Variants in ABCD4 observed in about 807,000 individuals in gnomAD.
The protein encoded by ABCD4 is ATP binding cassette subfamily D member 4, also known as lysosomal cobalamin transporter ABCD4.
ABCD4 carries 53 observed loss-of-function variants against 86.3 expected under a neutral mutation model. That is an observed-to-expected ratio of 0.61 (90% CI 0.49 to 0.77). The LOEUF is 0.77. Among genes scored for constraint, ABCD4 ranks in the 30% least tolerant of loss-of-function variants. The probability of loss-of-function intolerance (pLI) is 0.00; values close to 1 mark genes in which losing one functional copy is unlikely to be tolerated. For synonymous variants in ABCD4, 328 were observed against 313.6 expected (o/e 1.05, Z -0.49); for missense variants, 757 against 764.5 (o/e 0.99, Z 0.12).
chr14:74,286,029 T>G lies in ABCD4; in HGVS notation c.*432A>C, dbSNP rs1038880773. 6.5e-6 allele frequency: 1 copy of G among 154,606 alleles called. No homozygotes were observed. The highest frequency in any genetic ancestry group is 1.9e-4 in the East Asian group (1 of 5,280). 9.6% of individuals were successfully genotyped at this position (154,606 alleles called of 1,614,324 possible). A position where few individuals can be genotyped will look rare whatever the true frequency, so the allele number is the denominator to read the frequency against. On this transcript the variant is annotated 3_prime_UTR_variant, in exon 19 of 19. Transcript: ENST00000356924. ...GTTTAACTTTTCTTTGTAAAAAACT[T>G]ATTAAAAAACTTAAATGGTCAGTTA...
rs1276883883 is a variant in ABCD4 at position 74,286,361 on chromosome 14, T to C, written c.*100A>G. 1.5e-6 allele frequency: 2 copies of C among 1,314,900 alleles called. No individual in the cohort carries two copies. Among genetic ancestry groups the C allele is most frequent in the Middle Eastern group, 1.8e-4 (1 of 5,472 alleles). The allele number at this position is 1,314,900 out of a possible 1,614,324, so 81.5% of individuals were successfully genotyped here. Reference sequence around the variant, plus strand: ...CCATGTGGCTCCTGCACGGGATCTATGTGGCGAACCTGAGCTCGATCTTCG... The same window carrying C: ...CCATGTGGCTCCTGCACGGGATCTACGTGGCGAACCTGAGCTCGATCTTCG... On this transcript the variant is annotated 3_prime_UTR_variant, in exon 19 of 19. Coordinates refer to ENST00000356924, the MANE Select transcript of ABCD4 (RefSeq NM_005050.4).
chr14:74,288,275 A>T lies in ABCD4; in HGVS notation c.1507-16T>A. The T allele has an allele frequency of 6.2e-7, 1 of 1,603,226 alleles. No individual in the cohort carries two copies. The highest frequency in any genetic ancestry group is 8.5e-7 in the Non-Finnish European group (1 of 1,174,564). ...CCAAGTTGGACTGTAACAGACCCAG[A>T]GGGCAGGATGTCCATGAAATGGCCA... On this transcript the variant is annotated splice_polypyrimidine_tract_variant and intron_variant, in intron 15 of 18. Coordinates refer to ENST00000356924, the MANE Select transcript of ABCD4 (RefSeq NM_005050.4).
At position 74,285,779 on chromosome 14, in the gene ABCD4, T is replaced by C. The variant is rs990322533; in HGVS notation, c.*682A>G. On this transcript the variant is annotated 3_prime_UTR_variant, in exon 19 of 19. Transcript: ENST00000356924. ...GGATTTACTTTCATTTGGGTTAAGG[T>C]AGGGCAGACCAAAGGCCCCTGGAAG... 6.6e-6 allele frequency: 1 copy of C among 152,200 alleles called. No individual in the cohort carries two copies. Among genetic ancestry groups the C allele is most frequent in the Admixed American group, 6.5e-5 (1 of 15,274 alleles). The allele number at this position is 152,200 out of a possible 1,614,324, so 9.4% of individuals were successfully genotyped here.
At chr14:74,290,523 G>A (rs373646439) in intron 11 of ABCD4, 24 bp from the exon 12 acceptor site, 31 of 1,599,088 alleles carry the variant, frequency 1.9e-5, no homozygotes, top group Admixed American at 5.0e-5. Flanking sequence ...GAGAGGGGGC[G>A]TGAGGAAGAT....
At chr14:74,302,829 C>G (rs750487702) in intron 1 of ABCD4, 46 bp downstream of exon 1, 14 of 1,594,268 alleles carry the variant, frequency 8.8e-6, no homozygotes, top group Non-Finnish European at 1.2e-5. Context: ...TTCCCTACAG[C>G]CCGGAACTCC....
chr14:74,287,958 G>T, intron 16 of ABCD4, 72 bp from the exon 17 acceptor site: 1 of 1,399,866 alleles, frequency 7.1e-7, no homozygotes, highest in Non-Finnish European at 9.9e-7. Flanking sequence ...GAATGGTCTG[G>T]GTAGGAAGAG....
At chr14:74,300,089 A>G in intron 2 of ABCD4, 61 bp downstream of exon 2, 1 of 644,450 alleles carries the variant, frequency 1.6e-6, no homozygotes. Context: ...AAAAAAAAAG[A>G]TGGAAAGGGA....
At chr14:74,301,658 G>A (rs564709971) in intron 1 of ABCD4, among the ~76,000 whole-genome samples, 35 of 144,584 alleles carry the variant, frequency 2.4e-4, no homozygotes, top group African/African-American at 8.5e-4. Context: ...TGTAATCCCT[G>A]CACTTCGGGA....
chr14:74,286,487 C>T lies in ABCD4; in HGVS notation c.1795G>A (p.Glu599Lys). 1 of 1,614,250 alleles carries T rather than the reference C, an allele frequency of 6.2e-7. No individual in the cohort carries two copies. ...CATTCCACTTTGATTCTCATCAGCT[C>T]CCATCTTCCTCCTCCACAGAGTTTC... ...VLKLCGGGRW[E>K]LMRIKVE The change falls in exon 19 of 19, where the codon GAG becomes AAG. Residue 599 changes from glutamate (E) to lysine (K), a missense_variant. Glu to Lys is a moderately conservative substitution (Grantham distance 56, BLOSUM62 1). Coordinates refer to ENST00000356924, the MANE Select transcript of ABCD4 (RefSeq NM_005050.4).
intron 17 of ABCD4, 49 bp from the exon 18 acceptor site, chr14:74,286,865 GC>G (rs1566911106): frequency 7.1e-6 from 11 of 1,548,284 alleles, no homozygotes; most frequent in Non-Finnish European, 9.7e-6. Context: ...GCCCTCTGCC[GC>G]CGCTGCTTCT....
chr14:74,287,366 T>C lies in ABCD4; in HGVS notation c.1636+444A>G, dbSNP rs116812766. On this transcript the variant is annotated intron_variant, in intron 17 of 18. Coordinates refer to ENST00000356924, the MANE Select transcript of ABCD4 (RefSeq NM_005050.4). ...GAACTCCAGACCAGCCTGGGCAACATAGCATGACCCTGTCTCTACAAAAAT... is the reference window on the plus strand; with the variant it reads ...GAACTCCAGACCAGCCTGGGCAACACAGCATGACCCTGTCTCTACAAAAAT... Among the ~76,000 whole-genome samples, 406 of 151,942 alleles carry C rather than the reference T, an allele frequency of 2.7e-3. 3 individuals are homozygous for C. The highest frequency in any genetic ancestry group is 9.2e-3 in the African/African-American group (380 of 41,422).
intron 1 of ABCD4, 72 bp from the exon 2 acceptor site, chr14:74,300,340 C>T: frequency 1.0e-6 from 1 of 986,490 alleles, no homozygotes; most frequent in Non-Finnish European, 1.6e-6. Flanking sequence ...TTATTAAGCT[C>T]ATCCACATTG....
chr14:74,298,257 G>C (rs968572892), intron 3 of ABCD4, among the ~76,000 whole-genome samples, 188 bp from the exon 4 acceptor site: 1 of 152,040 alleles, frequency 6.6e-6, no homozygotes, highest in African/African-American at 2.4e-5. Context: ...ACTCACTCAC[G>C]TGTTCATTCC....
Position 74,296,330 on chromosome 14 carries a change from CA to C in ABCD4, c.542+2del. On this transcript the variant is annotated splice_donor_variant, in intron 5 of 18. Transcript: ENST00000356924. LOFTEE classifies it high-confidence loss of function. ...ACCAGGCTGGGGAGGAGGGAGGCTT[CA>C]CCTTTGGAAGCACTGGTAAGTGTAG... is the stretch of plus-strand genomic sequence containing the variant. 6.2e-7 allele frequency: 1 copy of C among 1,613,784 alleles called. No homozygotes were observed. Among genetic ancestry groups the C allele is most frequent in the Non-Finnish European group, 8.5e-7 (1 of 1,179,738 alleles).
At chr14:74,297,485 G>A (rs1452252461) in intron 4 of ABCD4, 2 of 153,522 alleles carry the variant, frequency 1.3e-5, no homozygotes, top group African/African-American at 2.4e-5. Flanking sequence ...ACCCTCTAAA[G>A]AAACCCCTTA....
At chr14:74,286,863 C>A (rs1484961364) in intron 17 of ABCD4, 47 bp from the exon 18 acceptor site, 1 of 1,557,172 alleles carries the variant, frequency 6.4e-7, no homozygotes, top group Non-Finnish European at 8.8e-7. Flanking sequence ...CTGCCCTCTG[C>A]CGCCGCTGCT....
At position 74,290,056 on chromosome 14, in the gene ABCD4, A is replaced by G. The variant is rs1323529254; in HGVS notation, c.1390T>C (p.Phe464Leu). The change falls in exon 13 of 19, where the codon TTC becomes CTC. Residue 464 changes from phenylalanine to leucine, a missense_variant. Physicochemically the swap from Phe to Leu is conservative, Grantham distance 22 (BLOSUM62 0). Coordinates refer to ENST00000356924, the MANE Select transcript of ABCD4 (RefSeq NM_005050.4). ...HGVLFLPQKPFFTDGTLREQV... is the reference protein window; with the variant it reads ...HGVLFLPQKPLFTDGTLREQV... ...TCCCGAAGGGTCCCGTCAGTGAAGA[A>G]TGGCTTTTGTGGCAGGAATAGCACC... 1.2e-6 allele frequency: 2 copies of G among 1,614,098 alleles called. No individual in the cohort carries two copies. The highest frequency in any genetic ancestry group is 1.7e-6 in the Non-Finnish European group (2 of 1,180,018).
rs60940187 is a variant in ABCD4, at chr14:74,288,973, A to G, written c.1457-208T>C. ...CTAAATATACAAAAATTAGGCAGGC[A>G]AGGTGGCGTGCACCTGTAGCCCCAG... On this transcript the variant is annotated intron_variant, in intron 14 of 18. Transcript: ENST00000356924. 14,521 of 907,838 alleles carry G rather than the reference A, an allele frequency of 0.016. 1,464 individuals are homozygous for G. The African/African-American group carries it at 0.22, about 14-fold the overall frequency. The allele number at this position is 907,838 out of a possible 1,614,324, so 56.2% of individuals were successfully genotyped here. A position where few individuals can be genotyped will look rare whatever the true frequency, so the allele number is the denominator to read the frequency against.
At position 74,286,493 on chromosome 14, in the gene ABCD4, TTCC is replaced by T. The variant is rs774212280; in HGVS notation, c.1786_1788del (p.Gly596del). ...ACTTTGATTCTCATCAGCTCCCATC[TTCC>T]TCCTCCACAGAGTTTCAGAACCAAG... On this transcript the variant is annotated inframe_deletion, in exon 19 of 19. Transcript: ENST00000356924. 7.4e-6 allele frequency: 12 copies of T among 1,614,250 alleles called. No homozygotes were observed. The South Asian group carries it at 1.2e-4, about 16-fold the overall frequency.
Sources: gnomAD v4.1 joint callset for allele counts (sites outside exome capture counted in the v4.1 genomes callset) on GRCh38, gnomAD v4.1.1 for gene constraint, MANE v1.5 for transcripts, NCBI Gene and HGNC (gene_info 2026-07-23, HGNC 2026-07-21) for gene names.